Variants in SLC25A45 observed in about 807,000 individuals in gnomAD.
The protein encoded by SLC25A45 is solute carrier family 25 member 45.
Under a neutral mutation model 23.0 loss-of-function variants are expected in SLC25A45, and 22 were observed. The ratio of observed to expected loss-of-function variants is 0.95; its 90% CI spans 0.68 to 1.36. SLC25A45 has a LOEUF of 1.36. Ranked by LOEUF, SLC25A45 falls within the 40% of genes most tolerant of loss-of-function variation. The pLI, the probability that SLC25A45 is intolerant of heterozygous loss-of-function variation, is 0.00. For synonymous variants in SLC25A45, 136 were observed against 155.0 expected, an observed-to-expected ratio of 0.88 and a Z score of 0.91; for missense variants, 355 against 383.5, an observed-to-expected ratio of 0.93 and a Z score of 0.62.
At position 65,376,263 on chromosome 11, in the gene SLC25A45, C is replaced by T. The variant is rs1322822315; in HGVS notation, c.*144G>A. 7.6e-6 allele frequency: 8 copies of T among 1,059,084 alleles called. No individual in the cohort carries two copies. The highest frequency in any genetic ancestry group is 1.1e-5 in the Non-Finnish European group (8 of 735,528). 65.6% of individuals were successfully genotyped at this position (1,059,084 alleles called of 1,614,324 possible). A position where few individuals can be genotyped will look rare whatever the true frequency, so the allele number is the denominator to read the frequency against. Reference sequence around the variant, plus strand: ...CGGCTCCCACAGGTGTCTGCCCAGCCCAGATCTGCGCGGGTGGGAGGCACC... The same window carrying T: ...CGGCTCCCACAGGTGTCTGCCCAGCTCAGATCTGCGCGGGTGGGAGGCACC... On this transcript the variant is annotated 3_prime_UTR_variant, in exon 7 of 7. Transcript: ENST00000398802.
intron 5 of SLC25A45, 105 bp downstream of exon 5, chr11:65,379,271 G>A: frequency 3.8e-6 from 5 of 1,329,664 alleles, no homozygotes; most frequent in South Asian, 2.5e-5. Context: ...CCCTCCAAGA[G>A]GCCTATGCCT....
In SLC25A45 at chr11:65,376,973, A is replaced by G. The variant is rs1213713777; in HGVS notation, c.443T>C (p.Val148Ala). 6.2e-7 allele frequency: 1 copy of G among 1,613,336 alleles called. No individual in the cohort carries two copies. The stretch of plus-strand genomic sequence containing the variant: ...CCGGAAGATGGAGGCTGCACAGTGC[A>G]CGGGCCCCTGGTACCGGGGTGGGGG... ...GSPPPRYQGP[V>A]HCAASIFREE... Residue 148 changes from valine to alanine, a missense_variant, in exon 6 of 7, where the codon GTG becomes GCG. Transcript: ENST00000398802.
chr11:65,376,454 C>A lies in SLC25A45; in HGVS notation c.820G>T (p.Ala274Ser). ...INSARAFPVN[A>S]VTFLSYEYLL... ...TATTCGTAGCTGAGGAAGGTGACAG[C>A]ATTGACGGGAAAGGCGCGGGCACTG... The change falls in exon 7 of 7, where the codon GCT (alanine) becomes TCT (serine). Residue 274 changes from alanine to serine, a missense_variant. Ala to Ser is a moderately conservative substitution (Grantham distance 99, BLOSUM62 1). Transcript: ENST00000398802. The A allele has an allele frequency of 3.1e-6, 5 of 1,614,224 alleles. No individual in the cohort carries two copies. Among genetic ancestry groups the A allele is most frequent in the Non-Finnish European group, 4.2e-6 (5 of 1,180,040 alleles).
At position 65,382,435 on chromosome 11, in the gene SLC25A45, T is replaced by G. The variant is rs557777; in HGVS notation, c.-19+51A>C. 177,803 of 180,640 alleles carry G rather than the reference T, an allele frequency of 0.98. 87,584 individuals are homozygous for G. Among genetic ancestry groups the G allele is most frequent in the East Asian group, 1 (7,176 of 7,176 alleles). 11.2% of individuals were successfully genotyped at this position (180,640 alleles called of 1,614,324 possible). ...CACCAGGGGGTAGGCCCAGCCCGCA[T>G]TTGCCGCTGCGTGGCAGGGTGGGGA... On this transcript the variant is annotated intron_variant, in intron 1 of 6. Coordinates refer to ENST00000398802, the MANE Select transcript of SLC25A45 (RefSeq NM_182556.4). This position sits in a 1 kb window ranked among gnomAD's most constrained non-coding sequence, Gnocchi z 4.4.
At chr11:65,380,501 G>T (rs1007179746) in intron 2 of SLC25A45, 2 of 1,383,098 alleles carry the variant, frequency 1.4e-6, no homozygotes, top group African/African-American at 2.9e-5. Context: ...CCTATGAGCC[G>T]CGGGACTCTG....
In SLC25A45 at chr11:65,379,505, G is replaced by A. The variant is rs1273224340; in HGVS notation, c.210C>T (p.Asn70=). 4.3e-6 allele frequency: 7 copies of A among 1,613,910 alleles called. No homozygotes were observed. The highest frequency in any genetic ancestry group is 2.7e-5 in the African/African-American group (2 of 74,930). ...TGCTATAGACCCCAAACAGGACAGAGTTGACCACAGCTATGCTGGCAATGG... is the reference window on the plus strand; with the variant it reads ...TGCTATAGACCCCAAACAGGACAGAATTGACCACAGCTATGCTGGCAATGG... ...SFPIASIAVV[N]SVLFGVYSNT... The change falls in exon 5 of 7, where the codon AAC becomes AAT. Residue 70 remains asparagine (N), a synonymous_variant. Coordinates refer to ENST00000398802, the MANE Select transcript of SLC25A45 (RefSeq NM_182556.4).
Position 65,376,273 on chromosome 11 carries a change from G to T in SLC25A45, c.*134C>A, listed in dbSNP as rs187417297. 1 of 1,138,908 alleles carries T rather than the reference G, an allele frequency of 8.8e-7. No individual in the cohort carries two copies. Among genetic ancestry groups the T allele is most frequent in the African/African-American group, 1.5e-5 (1 of 65,208 alleles). 70.6% of individuals were successfully genotyped at this position (1,138,908 alleles called of 1,614,324 possible). A position where few individuals can be genotyped will look rare whatever the true frequency, so the allele number is the denominator to read the frequency against. Reference sequence around the variant, plus strand: ...AGGTGTCTGCCCAGCCCAGATCTGCGCGGGTGGGAGGCACCTTGGTTAGGA... The same window carrying T: ...AGGTGTCTGCCCAGCCCAGATCTGCTCGGGTGGGAGGCACCTTGGTTAGGA... On this transcript the variant is annotated 3_prime_UTR_variant, in exon 7 of 7. Coordinates refer to ENST00000398802, the MANE Select transcript of SLC25A45 (RefSeq NM_182556.4).
At chr11:65,377,353 A>T in intron 5 of SLC25A45, 1 of 1,311,634 alleles carries the variant, frequency 7.6e-7, no homozygotes, top group Non-Finnish European at 9.7e-7. Flanking sequence ...GCAGGCACTC[A>T]GAACAAGCCT....
intron 2 of SLC25A45, chr11:65,380,496 G>A (rs1855493070): frequency 1.5e-6 from 2 of 1,370,160 alleles, no homozygotes; most frequent in South Asian, 1.2e-5. Context: ...CACCGCCTAT[G>A]AGCCGCGGGA....
chr11:65,379,285 CA>C (rs1855395321), intron 5 of SLC25A45, 90 bp downstream of exon 5: 1 of 1,476,778 alleles, frequency 6.8e-7, no homozygotes, highest in Admixed American at 1.7e-5. Flanking sequence ...TATGCCTCCA[CA>C]GCTGTGGGTC....
At position 65,377,068 on chromosome 11, in the gene SLC25A45, A is replaced by C; in HGVS notation, c.348T>G (p.Cys116Trp). The C allele has an allele frequency of 6.2e-7, 1 of 1,613,372 alleles. No homozygotes were observed. ...CTTTGATGAGGTCAAAAGGAGCCAG[A>C]CAGTAGGCCTGTTGGTGATGAAACA... is the stretch of plus-strand genomic sequence containing the variant. ...GCTGGFLQAY[C>W]LAPFDLIKVR... Residue 116 changes from cysteine to tryptophan, a missense_variant, in exon 6 of 7, where the codon TGT becomes TGG. Transcript: ENST00000398802.
At chr11:65,377,290 A>G (rs1480762266) in intron 5 of SLC25A45, 3 of 1,406,078 alleles carry the variant, frequency 2.1e-6, no homozygotes, top group Non-Finnish European at 2.8e-6. Context: ...ATCAGGCCCA[A>G]GAGTGAGAGG....
chr11:65,377,465 CTG>C, intron 5 of SLC25A45: 1 of 995,788 alleles, frequency 1.0e-6, no homozygotes, highest in Non-Finnish European at 1.2e-6. Flanking sequence ...CAGCCTGTGA[CTG>C]TGAAATAGCA....
Position 65,381,935 on chromosome 11 carries a change from A to G in SLC25A45, c.17T>C (p.Phe6Ser), listed in dbSNP as rs770379531. 4.3e-6 allele frequency: 7 copies of G among 1,613,946 alleles called. No individual in the cohort carries two copies. Among genetic ancestry groups the G allele is most frequent in the African/African-American group, 4.0e-5 (3 of 74,870 alleles). The change falls in exon 2 of 7, where the codon TTT (phenylalanine) becomes TCT (serine). Residue 6 changes from phenylalanine (F) to serine (S), a missense_variant. By Grantham distance (155) the Phe-to-Ser change is radical. Transcript: ENST00000398802. ...CTCACCAGAGATCCAGCCAGCCACAAATTCCTCCACCGGCATTGTCTGGGC... is the reference window on the plus strand; with the variant it reads ...CTCACCAGAGATCCAGCCAGCCACAGATTCCTCCACCGGCATTGTCTGGGC... Reference protein sequence around the residue: MPVEEFVAGWISGALG... With the variant: MPVEESVAGWISGALG...
At chr11:65,380,006 CT>C (rs970856634) in intron 3 of SLC25A45, 68 bp from the exon 4 acceptor site, 2 of 1,600,190 alleles carry the variant, frequency 1.2e-6, no homozygotes, top group African/African-American at 2.7e-5. Context: ...CCTCTGCCCC[CT>C]CAAGCGGGAT....
intron 2 of SLC25A45, 68 bp downstream of exon 2, chr11:65,381,847 C>T (rs1419202164): frequency 3.7e-6 from 6 of 1,600,366 alleles, no homozygotes; most frequent in Admixed American, 1.7e-5. Context: ...CCTCCCATGT[C>T]ACCCATCTTC....
In SLC25A45 at chr11:65,376,327, A is replaced by G; in HGVS notation, c.*80T>C. On this transcript the variant is annotated 3_prime_UTR_variant, in exon 7 of 7. Transcript: ENST00000398802. ...GCTGAGCCTCTTGCACTGATTTGCA[A>G]GCTTTCAACCTGGCCTCCAATCTCA... 2 of 1,525,334 alleles carry G rather than the reference A, an allele frequency of 1.3e-6. No homozygotes were observed. Among genetic ancestry groups the G allele is most frequent in the African/African-American group, 1.4e-5 (1 of 73,270 alleles). 94.5% of individuals were successfully genotyped at this position (1,525,334 alleles called of 1,614,324 possible). A position where few individuals can be genotyped will look rare whatever the true frequency, so the allele number is the denominator to read the frequency against.
At chr11:65,381,882 T>G (rs757941777) in intron 2 of SLC25A45, 33 bp downstream of exon 2, 1 of 1,613,598 alleles carries the variant, frequency 6.2e-7, no homozygotes, top group Admixed American at 1.7e-5. Context: ...TACCATTGGG[T>G]GTGATGTGAC....
chr11:65,378,572 A>AG (rs1320629195), intron 5 of SLC25A45: 1 of 152,260 alleles, frequency 6.6e-6, no homozygotes, highest in African/African-American at 2.4e-5. Flanking sequence ...GGGCAGAAGA[A>AG]AAGCCGGGGC....
Sources: gnomAD v4.1 joint callset for allele counts on GRCh38, gnomAD v4.1.1 for gene constraint, Gnocchi (gnomAD v3.1) non-coding constraint, MANE v1.5 for transcripts, NCBI Gene and HGNC (gene_info 2026-07-23, HGNC 2026-07-21) for gene names.